RBFOX1: variants seen among roughly 807,000 people sequenced by gnomAD.
RBFOX1 encodes the protein RNA binding protein fox-1 homolog 1.
A neutral mutation model predicts 57.7 loss-of-function variants in RBFOX1; 8 were observed. The ratio of observed to expected loss-of-function variants is 0.14; its 90% confidence interval spans 0.08 to 0.25. The LOEUF is 0.25. Among genes scored for constraint, RBFOX1 ranks in the 10% least tolerant of loss-of-function variants. RBFOX1 has a pLI of 1.00. For missense variants in RBFOX1, 611 were observed against 548.5 expected (o/e 1.11, Z -1.14); for synonymous variants, 326 against 222.4 (o/e 1.47, Z -4.15).
chr16:7,286,316 C>G (rs1036053494), intron 4 of RBFOX1, among the ~76,000 whole-genome samples: 1 of 152,154 alleles, frequency 6.6e-6, no homozygotes, highest in African/African-American at 2.4e-5. Context: ...ATCATACAAA[C>G]ATCATGTGGC....
intron 4 of RBFOX1, among the ~76,000 whole-genome samples, chr16:5,906,967 C>T (rs926433999): frequency 6.6e-6 from 1 of 151,934 alleles, no homozygotes; most frequent in African/African-American, 2.4e-5. Flanking sequence ...GAACTCCTGA[C>T]CTCAGGTGAT....
chr16:6,041,964 A>C (rs1216585336), intron 1 of RBFOX1, among the ~76,000 whole-genome samples: 1 of 152,158 alleles, frequency 6.6e-6, no homozygotes, highest in African/African-American at 2.4e-5. Flanking sequence ...GCCCTAGGAA[A>C]GAATCCCTTT....
intron 1 of RBFOX1, among the ~76,000 whole-genome samples, chr16:6,211,819 CTTTT>C (rs1382374778): frequency 7.7e-5 from 11 of 142,288 alleles, no homozygotes; most frequent in Non-Finnish European, 1.5e-4. Flanking sequence ...AGGAATACAT[CTTTT>C]ATTTATTTAT....
intron 2 of RBFOX1, among the ~76,000 whole-genome samples, chr16:6,564,959 G>C (rs1167859063): frequency 6.6e-6 from 1 of 151,922 alleles, no homozygotes. Flanking sequence ...TGGCCAACAT[G>C]GTGAAACCCC....
intron 4 of RBFOX1, among the ~76,000 whole-genome samples, chr16:7,317,536 G>A (rs2096466626): frequency 6.6e-6 from 1 of 152,170 alleles, no homozygotes; most frequent in African/African-American, 2.4e-5. Flanking sequence ...GTATGAGTTG[G>A]TAGCAGTCAC....
intron 3 of RBFOX1, among the ~76,000 whole-genome samples, chr16:7,051,538 A>C (rs1428243174): frequency 6.6e-6 from 1 of 152,216 alleles, no homozygotes. Flanking sequence ...TCCCCAGCAC[A>C]ATCCTATGGG....
intron 4 of RBFOX1, among the ~76,000 whole-genome samples, chr16:7,077,960 A>C (rs1411801100): frequency 6.6e-6 from 1 of 152,126 alleles, no homozygotes; most frequent in African/African-American, 2.4e-5. Flanking sequence ...GAGAAAGTAA[A>C]CTCAAGGGCT....
chr16:7,390,373 C>G (rs560016017), intron 4 of RBFOX1, among the ~76,000 whole-genome samples: 11 of 152,144 alleles, frequency 7.2e-5, no homozygotes, highest in African/African-American at 1.9e-4. Flanking sequence ...GAGAGACACC[C>G]AAACTCATGT....
chr16:5,812,148 C>A (rs1748164711), intron 3 of RBFOX1, among the ~76,000 whole-genome samples: 1 of 152,178 alleles, frequency 6.6e-6, no homozygotes, highest in Non-Finnish European at 1.5e-5. Flanking sequence ...CGGTCATGTT[C>A]CACTGTATGG....
At chr16:6,438,672 T>C (rs1016757943) in intron 2 of RBFOX1, among the ~76,000 whole-genome samples, 1 of 152,098 alleles carries the variant, frequency 6.6e-6, no homozygotes, top group Admixed American at 6.5e-5. Context: ...TGGTCACAGA[T>C]GAGGAGGGCA....
At chr16:6,836,951 G>A (rs751978411) in intron 3 of RBFOX1, among the ~76,000 whole-genome samples, 8 of 152,104 alleles carry the variant, frequency 5.3e-5, no homozygotes, top group African/African-American at 9.7e-5. Flanking sequence ...TCAGTAGAAG[G>A]GTGGAAGGAT....
rs76363687 is a variant in RBFOX1 at position 6,962,378 on chromosome 16, C to T, written c.-15-89679C>T. 8.0e-3 allele frequency among the ~76,000 whole-genome samples: 1,221 copies of T among 152,258 alleles called. 14 individuals carry two copies. The highest frequency in any genetic ancestry group is 0.028 in the African/African-American group (1,168 of 41,548). On this transcript the variant is annotated intron_variant, in intron 3 of 15. Transcript: ENST00000550418. Reference sequence around the variant, plus strand: ...CATTCATAGGTAGCAAGGGTTAGGACTTCGACTTATCTTTTTAGGAGATAA... The same window carrying T: ...CATTCATAGGTAGCAAGGGTTAGGATTTCGACTTATCTTTTTAGGAGATAA...
chr16:6,609,960 A>C (rs1056982727), intron 2 of RBFOX1, among the ~76,000 whole-genome samples: 6 of 152,080 alleles, frequency 3.9e-5, no homozygotes, highest in Admixed American at 2.0e-4. Flanking sequence ...GTGAGCCGAG[A>C]TCACGCCATT....
At position 6,886,182 on chromosome 16, in the gene RBFOX1, C is replaced by T. The variant is rs532117810; in HGVS notation, c.-15-165875C>T. 6.6e-5 allele frequency among the ~76,000 whole-genome samples: 10 copies of T among 151,992 alleles called. No individual in the cohort carries two copies. In the South Asian group the frequency reaches 1.9e-3, roughly 28 times the overall value. ...GTTCAAGTGACTCTCCTGCCTCAGC[C>T]TCCTGAGTAGCTGGGATTACAGGCG... On this transcript the variant is annotated intron_variant, in intron 3 of 15. Transcript: ENST00000550418.
intron 3 of RBFOX1, among the ~76,000 whole-genome samples, chr16:6,727,882 T>C (rs763503779): frequency 6.6e-6 from 1 of 152,208 alleles, no homozygotes; most frequent in African/African-American, 2.4e-5. Flanking sequence ...GTCCAGTATT[T>C]ACCTGATTCC....
intron 4 of RBFOX1, among the ~76,000 whole-genome samples, chr16:7,194,802 C>T (rs2086277532): frequency 2.0e-5 from 3 of 151,862 alleles, no homozygotes; most frequent in Admixed American, 1.3e-4. Flanking sequence ...GTGGTGCATG[C>T]CTGTGGTTCT....
chr16:6,063,599 T>A (rs1015501971), intron 1 of RBFOX1, among the ~76,000 whole-genome samples: 2 of 152,052 alleles, frequency 1.3e-5, no homozygotes, highest in African/African-American at 2.4e-5. Flanking sequence ...CTCTCCACAC[T>A]GCAGCTCTCA....
chr16:6,116,090 A>G (rs531918457), intron 1 of RBFOX1, among the ~76,000 whole-genome samples: 24 of 152,346 alleles, frequency 1.6e-4, no homozygotes, highest in Non-Finnish European at 3.2e-4. Flanking sequence ...CTATGCAGCC[A>G]TAAAAAAGGA....
chr16:5,792,831 G>A (rs1165469870), intron 3 of RBFOX1, among the ~76,000 whole-genome samples: 1 of 152,016 alleles, frequency 6.6e-6, no homozygotes, highest in Non-Finnish European at 1.5e-5. Context: ...CAACAAGAGC[G>A]AGACTCCATC....
Sources: gnomAD v4.1 joint callset for allele counts (sites outside exome capture counted in the v4.1 genomes callset) on GRCh38, gnomAD v4.1.1 for gene constraint, MANE v1.5 for transcripts, NCBI Gene and HGNC (gene_info 2026-07-23, HGNC 2026-07-21) for gene names.